The following MLIP variants were observed in gnomAD, a reference collection of about 807,000 sequenced individuals.
The protein encoded by MLIP is muscular LMNA interacting protein, also known as muscular LMNA-interacting protein.
A neutral mutation model predicts 84.8 loss-of-function variants in MLIP; 79 were observed. The ratio of observed to expected loss-of-function variants is 0.93; its 90% CI spans 0.78 to 1.12. The LOEUF (loss-of-function observed/expected upper bound fraction) is 1.12, where lower values mean the gene tolerates loss of function less well. MLIP is among the 50% of genes most tolerant of loss of function. The probability of loss-of-function intolerance (pLI) is 0.00; values close to 1 mark genes in which losing one functional copy is unlikely to be tolerated. For missense variants in MLIP, 1,257 were observed against 1,160.6 expected (o/e 1.08, Z -1.21); for synonymous variants, 504 against 463.0 (o/e 1.09, Z -1.14).
chr6:54,260,534 G>T (rs1349058674), intron 13 of MLIP, among the ~76,000 whole-genome samples: 1 of 151,810 alleles, frequency 6.6e-6, no homozygotes, highest in Admixed American at 6.6e-5. Flanking sequence ...TTCCTTCATT[G>T]GCAGTCTAGG....
At chr6:54,053,812 T>C (rs1765501005) in intron 1 of MLIP, among the ~76,000 whole-genome samples, 1 of 152,194 alleles carries the variant, frequency 6.6e-6, no homozygotes, top group South Asian at 2.1e-4. Flanking sequence ...GAGAATTGAA[T>C]CCAGGTGGGA....
At chr6:54,022,210 C>CT (rs1763534597) in intron 1 of MLIP, among the ~76,000 whole-genome samples, 1 of 152,204 alleles carries the variant, frequency 6.6e-6, no homozygotes, top group Admixed American at 6.5e-5. Context: ...AGGAAATGCA[C>CT]TATACAACAC....
chr6:54,239,897 A>G (rs75523603), intron 12 of MLIP, among the ~76,000 whole-genome samples: 3,865 of 152,294 alleles, frequency 0.025, 140 homozygotes, highest in African/African-American at 0.085. Flanking sequence ...TTAAAATTAT[A>G]TGATTTCAAT....
intron 12 of MLIP, 133 bp from the exon 13 acceptor site, chr6:54,257,175 T>C (rs1783062360): frequency 1.5e-6 from 1 of 653,006 alleles, no homozygotes; most frequent in African/African-American, 1.8e-5. Flanking sequence ...TCTTAGTGTT[T>C]ATACTTGGTA....
chr6:54,169,986 T>C (rs1027192873), intron 9 of MLIP, among the ~76,000 whole-genome samples: 2 of 151,778 alleles, frequency 1.3e-5, no homozygotes, highest in Admixed American at 1.3e-4. Flanking sequence ...GTTGCTTTCC[T>C]TCATTTAAAT....
chr6:54,063,567 CAT>C (rs755179583), intron 1 of MLIP, among the ~76,000 whole-genome samples: 36 of 152,118 alleles, frequency 2.4e-4, no homozygotes, highest in Non-Finnish European at 4.9e-4. Context: ...AACAAATAGG[CAT>C]TAAACAATTT....
chr6:54,147,382 GT>G (rs960710252), intron 4 of MLIP, among the ~76,000 whole-genome samples: 2 of 152,164 alleles, frequency 1.3e-5, no homozygotes, highest in African/African-American at 4.8e-5. Context: ...TGGAAAGATA[GT>G]ATTTCAATTT....
At chr6:54,088,084 G>A (rs1330168241) in intron 1 of MLIP, among the ~76,000 whole-genome samples, 2 of 152,148 alleles carry the variant, frequency 1.3e-5, no homozygotes, top group African/African-American at 2.4e-5. Context: ...ATATTCTTAT[G>A]CTTATGTGTT....
chr6:54,141,853 T>C (rs1326023786), intron 4 of MLIP, among the ~76,000 whole-genome samples: 1 of 152,220 alleles, frequency 6.6e-6, no homozygotes, highest in Non-Finnish European at 1.5e-5. Context: ...TAGTTCCAAT[T>C]ATAAAGACTC....
chr6:54,168,359 T>C (rs1407720543), intron 8 of MLIP, among the ~76,000 whole-genome samples: 1 of 151,860 alleles, frequency 6.6e-6, no homozygotes, highest in African/African-American at 2.4e-5. Context: ...CATCTAGGTG[T>C]TCCAGAAAAA....
At chr6:54,216,334 C>T (rs1254320744) in intron 11 of MLIP, 3 of 985,116 alleles carry the variant, frequency 3.0e-6, no homozygotes, top group East Asian at 2.3e-4. Flanking sequence ...TTAACTGCTC[C>T]TCCATCCTAA....
chr6:54,164,357 T>A (rs1004425532), intron 8 of MLIP, among the ~76,000 whole-genome samples: 1 of 152,000 alleles, frequency 6.6e-6, no homozygotes, highest in African/African-American at 2.4e-5. Flanking sequence ...TCAAGAGGAA[T>A]CCTTGATCTA....
intron 1 of MLIP, chr6:54,028,888 T>C (rs1302181580): frequency 6.6e-6 from 1 of 152,210 alleles, no homozygotes; most frequent in African/African-American, 2.4e-5. Context: ...TAAGGTCTCT[T>C]CTTGGCAGCT....
In MLIP at chr6:54,213,734, A is replaced by AAAAAACAAAAAAC. The variant is rs368508685; in HGVS notation, c.2718+11503_2718+11504insAAACAAAAAACAA. Among the ~76,000 whole-genome samples the AAAAAACAAAAAAC allele has an allele frequency of 1.7e-4, 14 of 82,362 alleles. 3 individuals are homozygous for AAAAAACAAAAAAC. The highest frequency in any genetic ancestry group is 8.3e-4 in the South Asian group (2 of 2,402). 54.0% of individuals were successfully genotyped at this position (82,362 alleles called of 152,430 possible). ...AAAAAAAAAAAAAAAAAAAAAAAAA[A>AAAAAACAAAAAAC]AACAACAAACAGCATATCTTGTATG... is the stretch of plus-strand genomic sequence containing the variant. On this transcript the variant is annotated intron_variant, in intron 11 of 13. Transcript: ENST00000502396.
chr6:54,028,879 A>G (rs970111517), intron 1 of MLIP: 2 of 152,136 alleles, frequency 1.3e-5, no homozygotes, highest in African/African-American at 4.8e-5. Context: ...CATTTATACT[A>G]AGGTCTCTTC....
intron 1 of MLIP, among the ~76,000 whole-genome samples, chr6:54,057,761 G>T (rs1277258353): frequency 6.6e-6 from 1 of 152,040 alleles, no homozygotes; most frequent in African/African-American, 2.4e-5. Flanking sequence ...TTTTCTGAAT[G>T]TAGTAAAATG....
intron 11 of MLIP, among the ~76,000 whole-genome samples, chr6:54,210,986 C>T (rs1001955861): frequency 4.3e-4 from 65 of 152,170 alleles, no homozygotes; most frequent in Admixed American, 1.2e-3. Context: ...GGCCTGTAAT[C>T]CCAGCACTTT....
intron 1 of MLIP, among the ~76,000 whole-genome samples, chr6:54,086,295 G>A (rs1489574445): frequency 1.3e-5 from 2 of 152,018 alleles, no homozygotes; most frequent in African/African-American, 4.8e-5. Context: ...TCCATACTCA[G>A]CATATTTACT....
intron 1 of MLIP, among the ~76,000 whole-genome samples, chr6:54,047,969 A>C (rs1765163190): frequency 6.6e-6 from 1 of 152,218 alleles, no homozygotes. Context: ...TTAATTAGCT[A>C]TACATGTTCC....
Sources: gnomAD v4.1 joint callset for allele counts (sites outside exome capture counted in the v4.1 genomes callset) on GRCh38, gnomAD v4.1.1 for gene constraint, MANE v1.5 for transcripts, NCBI Gene and HGNC (gene_info 2026-07-23, HGNC 2026-07-21) for gene names.